ITIH3: variants seen among roughly 807,000 people sequenced by gnomAD.
ITIH3 encodes inter-alpha-trypsin inhibitor heavy chain 3.
ITIH3 carries 81 observed loss-of-function variants against 96.5 expected under a neutral mutation model. The ratio of observed to expected loss-of-function variants is 0.84; its 90% confidence interval spans 0.70 to 1.01. The LOEUF (loss-of-function observed/expected upper bound fraction) is 1.01, where lower values mean the gene tolerates loss of function less well. ITIH3 is among the 50% of genes least tolerant of loss of function. ITIH3 has a pLI of 0.00. For synonymous variants in ITIH3, 422 were observed against 445.2 expected (o/e 0.95, Z 0.66); for missense variants, 1,057 against 1,139.3 (o/e 0.93, Z 1.04).
At position 52,794,898 on chromosome 3, in the gene ITIH3, T is replaced by A; in HGVS notation, c.93+2T>A. ...AGAAGCCCCTTTCGGCTGCTTGGGG[T>A]GAGTCTGCCCCCTCTTTGCCATCTG... On this transcript the variant is annotated splice_donor_variant, in intron 1 of 21. Transcript: ENST00000449956. LOFTEE classifies it high-confidence loss of function. 2 of 1,611,614 alleles carry A rather than the reference T, an allele frequency of 1.2e-6. No individual in the cohort carries two copies. The highest frequency in any genetic ancestry group is 1.7e-6 in the Non-Finnish European group (2 of 1,177,936).
chr3:52,799,533 G>T, intron 8 of ITIH3, 45 bp downstream of exon 8: 1 of 1,406,702 alleles, frequency 7.1e-7, no homozygotes, highest in Non-Finnish European at 9.7e-7. Context: ...GTAGTAGGGG[G>T]TGGAAGAGAT....
Position 52,806,938 on chromosome 3 carries a change from A to T in ITIH3, c.2094A>T (p.Arg698Ser). 1 of 1,592,306 alleles carries T rather than the reference A, an allele frequency of 6.3e-7. No individual in the cohort carries two copies. Among genetic ancestry groups the T allele is most frequent in the East Asian group, 2.3e-5 (1 of 43,786 alleles). ...ATGGGCAGATCACTGGCGACAAGAG[A>T]GGCAGCCCTGACTCCAAGACCAGAA... ...TVNGQITGDKRGSPDSKTRKT... is the reference protein window; with the variant it reads ...TVNGQITGDKSGSPDSKTRKT... Residue 698 changes from arginine to serine, a missense_variant, in exon 19 of 22, where the codon AGA becomes AGT. Coordinates refer to ENST00000449956, the MANE Select transcript of ITIH3 (RefSeq NM_002217.4).
Position 52,796,382 on chromosome 3 carries a change from G to A in ITIH3, c.115-99G>A. The A allele has an allele frequency of 6.8e-6, 7 of 1,022,468 alleles. No homozygotes were observed. In the South Asian group the frequency reaches 7.9e-5, roughly 12 times the overall value. 63.3% of individuals were successfully genotyped at this position (1,022,468 alleles called of 1,614,324 possible). A position where few individuals can be genotyped will look rare whatever the true frequency, so the allele number is the denominator to read the frequency against. ...GATGAGGGTTGCGTGCCGGGCAGGG[G>A]CCTCAGAGCCTCCAAGGGTTTGCAA... On this transcript the variant is annotated intron_variant, in intron 2 of 21. Transcript: ENST00000449956.
chr3:52,797,047 C>T (rs1699614391), intron 4 of ITIH3, 58 bp from the exon 5 acceptor site: 10 of 1,558,906 alleles, frequency 6.4e-6, no homozygotes, highest in Middle Eastern at 2.2e-4. Context: ...GGCCGAGGGC[C>T]GAGGAAGGGT....
Position 52,800,650 on chromosome 3 carries a change from G to T in ITIH3, c.1188G>T (p.Gly396=). 6.3e-7 allele frequency: 1 copy of T among 1,597,666 alleles called. No individual in the cohort carries two copies. The highest frequency in any genetic ancestry group is 2.3e-5 in the East Asian group (1 of 44,222). The change falls in exon 10 of 22, where the codon GGG becomes GGT. Residue 396 remains glycine (G), a synonymous_variant. Transcript: ENST00000449956. ...CCATTGTCATCATGCTGACTGATGGGGATGCCAATGTTGGTGAGGAGCACG... is the reference window on the plus strand; with the variant it reads ...CCATTGTCATCATGCTGACTGATGGTGATGCCAATGTTGGTGAGGAGCACG... ...STSIVIMLTD[G]DANVGESRPE...
chr3:52,800,426 G>A (rs1462330002), intron 9 of ITIH3, 112 bp from the exon 10 acceptor site: 2 of 1,296,790 alleles, frequency 1.5e-6, no homozygotes, highest in African/African-American at 3.0e-5. Flanking sequence ...TGGCAGATAG[G>A]GTCCTTGGGC....
intron 19 of ITIH3, among the ~76,000 whole-genome samples, chr3:52,807,508 G>A (rs1700099799): frequency 6.6e-6 from 1 of 152,202 alleles, no homozygotes; most frequent in Admixed American, 6.5e-5. Flanking sequence ...TGGACCACAG[G>A]CCTCCAGATT....
intron 2 of ITIH3, chr3:52,795,838 G>A: frequency 3.6e-6 from 2 of 550,428 alleles, no homozygotes; most frequent in Non-Finnish European, 6.4e-6. Context: ...TAGCCCAAGA[G>A]GGCCCCTCAC....
At chr3:52,800,863 C>T (rs976747348) in intron 10 of ITIH3, 102 bp from the exon 11 acceptor site, 19 of 1,529,666 alleles carry the variant, frequency 1.2e-5, no homozygotes, top group Non-Finnish European at 1.5e-5. Flanking sequence ...GGTCGTGACT[C>T]CAGCAACTCT....
chr3:52,797,068 A>G (rs1360056069), intron 4 of ITIH3, 37 bp from the exon 5 acceptor site: 3 of 1,593,822 alleles, frequency 1.9e-6, no homozygotes, highest in Non-Finnish European at 2.6e-6. Flanking sequence ...GGGCTCCTGC[A>G]GTCTTTGAGG....
intron 5 of ITIH3, 99 bp downstream of exon 5, chr3:52,797,366 C>A: frequency 8.1e-7 from 1 of 1,236,382 alleles, no homozygotes; most frequent in Non-Finnish European, 1.1e-6. Context: ...AAAGTTCTGC[C>A]TCACGGCATC....
At position 52,795,165 on chromosome 3, in the gene ITIH3, G is replaced by A. The variant is rs140701550; in HGVS notation, c.93+269G>A. On this transcript the variant is annotated intron_variant, in intron 1 of 21. Transcript: ENST00000449956. ...CACCAGGAACTGCTCACTTCACTGA[G>A]GGGCAATGAAGGTTCAAGTCTCAAA... Among the ~76,000 whole-genome samples the A allele has an allele frequency of 5.9e-3, 897 of 152,330 alleles. 15 individuals are homozygous for A. The South Asian group carries it at 0.066, about 11-fold the overall frequency.
intron 14 of ITIH3, chr3:52,804,442 A>G: frequency 2.1e-6 from 1 of 474,988 alleles, no homozygotes; most frequent in Non-Finnish European, 3.8e-6. Flanking sequence ...GCCCTACTCA[A>G]CAGGGGGTCC....
chr3:52,808,068 G>A lies in ITIH3; in HGVS notation c.2432-42G>A, dbSNP rs1374930860. 5 of 1,599,426 alleles carry A rather than the reference G, an allele frequency of 3.1e-6. No homozygotes were observed. The South Asian group carries it at 4.4e-5, about 14-fold the overall frequency. ...AAGGCCAGTGGCCACGTTACCCGTG[G>A]CAATGGCCAGGGGCTGACAGCATGA... is the stretch of plus-strand genomic sequence containing the variant. On this transcript the variant is annotated intron_variant, in intron 20 of 21. Transcript: ENST00000449956.
intron 18 of ITIH3, 47 bp downstream of exon 18, chr3:52,806,453 G>A: frequency 6.8e-7 from 1 of 1,466,832 alleles, no homozygotes; most frequent in Non-Finnish European, 9.4e-7. Flanking sequence ...CTTCCTGGGA[G>A]GGCTTGGGTC....
chr3:52,807,954 G>A (rs757629331), intron 20 of ITIH3, 38 bp downstream of exon 20: 2 of 1,601,736 alleles, frequency 1.2e-6, no homozygotes, highest in South Asian at 2.2e-5. Flanking sequence ...TCAGGCCTGA[G>A]AGCAGCATGG....
chr3:52,804,741 C>A lies in ITIH3; in HGVS notation c.1873+7C>A. The stretch of plus-strand genomic sequence containing the variant: ...GCACCTGCAGATGCAGAAGGTAAGC[C>A]TTTAGCCAGCCACCGGGTTGGGCAT... On this transcript the variant is annotated splice_region_variant and intron_variant, in intron 15 of 21. Transcript: ENST00000449956. 6.3e-7 allele frequency: 1 copy of A among 1,588,704 alleles called. No homozygotes were observed. The highest frequency in any genetic ancestry group is 1.3e-5 in the African/African-American group (1 of 74,632).
At position 52,802,807 on chromosome 3, in the gene ITIH3, G is replaced by A; in HGVS notation, c.1709+1G>A. The A allele has an allele frequency of 1.2e-6, 2 of 1,613,832 alleles. No homozygotes were observed. Among genetic ancestry groups the A allele is most frequent in the Non-Finnish European group, 1.7e-6 (2 of 1,179,814 alleles). ...CCATTGAGCAGCTGCTGGAGAAGCG[G>A]TGAGCAGAGTCCCAGCCCCCACCTG... is the stretch of plus-strand genomic sequence containing the variant. On this transcript the variant is annotated splice_donor_variant, in intron 13 of 21. Transcript: ENST00000449956. LOFTEE classifies it high-confidence loss of function.
chr3:52,798,245 A>T (rs972137796), intron 6 of ITIH3, among the ~76,000 whole-genome samples: 1 of 152,204 alleles, frequency 6.6e-6, no homozygotes, highest in Non-Finnish European at 1.5e-5. Context: ...CAAGGGAGTC[A>T]TTTAGATCTA....
Sources: allele counts gnomAD v4.1 joint callset (sites outside exome capture counted in the v4.1 genomes callset), GRCh38; gene constraint gnomAD v4.1.1; transcripts MANE v1.5; gene names NCBI Gene and HGNC (gene_info 2026-07-23, HGNC 2026-07-21).